The following JAM3 variants were observed in gnomAD, a reference collection of about 807,000 sequenced individuals.
JAM3 encodes junctional adhesion molecule C.
In JAM3, 31 loss-of-function variants were observed where a neutral mutation model predicts 39.4. The observed-to-expected ratio is 0.79, with a 90% CI of 0.59 to 1.06. JAM3 has a LOEUF of 1.06. Among genes scored for constraint, JAM3 ranks in the 50% least tolerant of loss-of-function variants. The pLI is 0.00. For synonymous variants in JAM3, 182 were observed against 148.7 expected (o/e 1.22, Z -1.63); for missense variants, 455 against 391.4 (o/e 1.16, Z -1.37).
chr11:134,105,649 C>G (rs886462759), intron 1 of JAM3, among the ~76,000 whole-genome samples: 17 of 152,224 alleles, frequency 1.1e-4, no homozygotes, highest in Non-Finnish European at 1.9e-4. Flanking sequence ...GCAACTTCAG[C>G]AAAATCTCAG....
At chr11:134,145,362 G>T (rs923822270) in intron 5 of JAM3, 7 of 378,052 alleles carry the variant, frequency 1.9e-5, no homozygotes, top group South Asian at 4.6e-5. Context: ...GCATGATGAA[G>T]GTATTGTGGT....
Position 134,069,126 on chromosome 11 carries a change from C to G in JAM3, c.43C>G (p.Leu15Val), listed in dbSNP as rs140175256. 2.7e-4 allele frequency: 428 copies of G among 1,612,838 alleles called. 1 individual carries two copies. The African/African-American group carries it at 4.9e-3, about 18-fold the overall frequency. Residue 15 changes from leucine to valine, a missense_variant, in exon 1 of 9, where the codon CTG becomes GTG. Leu to Val is a conservative substitution (Grantham distance 32). Transcript: ENST00000299106. ...RPPRLRLCAR[L>V]PDFFLLLLFR... Reference sequence around the variant, plus strand: ...ACCGCGACTCCGGCTCTGCGCTCGGCTGCCTGACTTCTTCCTGCTGCTGCT... The same window carrying G: ...ACCGCGACTCCGGCTCTGCGCTCGGGTGCCTGACTTCTTCCTGCTGCTGCT...
At chr11:134,070,055 G>A (rs1053172995) in intron 1 of JAM3, 10 of 415,044 alleles carry the variant, frequency 2.4e-5, no homozygotes, top group Non-Finnish European at 4.8e-5. Context: ...GTTGTACAGA[G>A]GACTAAAATA....
At chr11:134,143,374 G>A (rs1943009723) in intron 3 of JAM3, among the ~76,000 whole-genome samples, 1 of 152,152 alleles carries the variant, frequency 6.6e-6, no homozygotes, top group African/African-American at 2.4e-5. Context: ...TTGGAGAAAT[G>A]TCTGTTCAAA....
chr11:134,077,886 A>AGGT (rs1423163726), intron 1 of JAM3, among the ~76,000 whole-genome samples: 1 of 151,822 alleles, frequency 6.6e-6, no homozygotes, highest in African/African-American at 2.4e-5. Context: ...TCCTGACCAC[A>AGGT]GGTGATCCGC....
In JAM3 at chr11:134,077,650, C is replaced by CTT. The variant is rs71038558; in HGVS notation, c.76+8513_76+8514dup. 3.5e-3 allele frequency among the ~76,000 whole-genome samples: 352 copies of CTT among 102,004 alleles called. 3 individuals carry two copies. Among genetic ancestry groups the CTT allele is most frequent in the African/African-American group, 8.1e-3 (191 of 23,446 alleles). The allele number at this position is 102,004 out of a possible 152,430, so 66.9% of individuals were successfully genotyped here. The stretch of plus-strand genomic sequence containing the variant: ...AAGTGCAAGCCACCGTGGCTGGCGC[C>CTT]TTTTTTTTTTTTTTTTTTTTTTTGA... On this transcript the variant is annotated intron_variant, in intron 1 of 8. Coordinates refer to ENST00000299106, the MANE Select transcript of JAM3 (RefSeq NM_032801.5).
intron 1 of JAM3, among the ~76,000 whole-genome samples, chr11:134,107,570 G>A (rs557031142): frequency 3.9e-5 from 6 of 152,156 alleles, no homozygotes; most frequent in Non-Finnish European, 8.8e-5. Context: ...CACTAAAGCA[G>A]TAACTAGGGT....
At chr11:134,095,174 A>G (rs1043950835) in intron 1 of JAM3, among the ~76,000 whole-genome samples, 3 of 152,222 alleles carry the variant, frequency 2.0e-5, no homozygotes, top group South Asian at 2.1e-4. Context: ...GTAAACCAGC[A>G]TTGTTTCCCC....
chr11:134,127,102 CATA>C (rs1229988800), intron 1 of JAM3, among the ~76,000 whole-genome samples: 1 of 152,162 alleles, frequency 6.6e-6, no homozygotes, highest in Non-Finnish European at 1.5e-5. Flanking sequence ...TGCATGAAGT[CATA>C]GGAAGAAGAA....
At chr11:134,138,114 A>G (rs7130211) in intron 1 of JAM3, among the ~76,000 whole-genome samples, 3,519 of 63,276 alleles carry the variant, frequency 0.056, 49 homozygotes, top group African/African-American at 0.12. Context: ...CGTCTAAGTC[A>G]TGGTGCTCCT....
intron 1 of JAM3, among the ~76,000 whole-genome samples, chr11:134,085,183 G>A (rs1163034184): frequency 3.9e-5 from 6 of 152,242 alleles, no homozygotes; most frequent in Non-Finnish European, 7.4e-5. Flanking sequence ...ATGTCAAAGG[G>A]TATTTAGGAT....
intron 1 of JAM3, among the ~76,000 whole-genome samples, chr11:134,115,511 C>T (rs1458789398): frequency 6.6e-6 from 1 of 151,926 alleles, no homozygotes; most frequent in African/African-American, 2.4e-5. Flanking sequence ...AACTTATGAC[C>T]TTGATATATT....
chr11:134,115,903 A>T (rs1053838868), intron 1 of JAM3, among the ~76,000 whole-genome samples: 9 of 152,128 alleles, frequency 5.9e-5, no homozygotes, highest in African/African-American at 2.2e-4. Context: ...TCTCAAAATA[A>T]ATAAATAAAA....
chr11:134,094,477 T>C (rs1459847624), intron 1 of JAM3, among the ~76,000 whole-genome samples: 1 of 142,676 alleles, frequency 7.0e-6, no homozygotes, highest in Non-Finnish European at 1.5e-5. Flanking sequence ...ACCTTACATG[T>C]GACTTCCTGA....
chr11:134,095,425 A>C (rs1188861662), intron 1 of JAM3, among the ~76,000 whole-genome samples: 1 of 152,066 alleles, frequency 6.6e-6, no homozygotes, highest in Non-Finnish European at 1.5e-5. Context: ...AGGTCAGGAG[A>C]TCGAGACCAT....
intron 1 of JAM3, among the ~76,000 whole-genome samples, chr11:134,073,151 T>C (rs1481559609): frequency 6.6e-6 from 1 of 152,210 alleles, no homozygotes; most frequent in Non-Finnish European, 1.5e-5. Flanking sequence ...TAATTGACTG[T>C]CTCTCTGCTT....
chr11:134,149,288 C>A lies in JAM3; in HGVS notation c.*107C>A. 1.5e-6 allele frequency: 2 copies of A among 1,353,408 alleles called. No individual in the cohort carries two copies. Among genetic ancestry groups the A allele is most frequent in the Non-Finnish European group, 2.1e-6 (2 of 958,526 alleles). 83.8% of individuals were successfully genotyped at this position (1,353,408 alleles called of 1,614,324 possible). On this transcript the variant is annotated 3_prime_UTR_variant, in exon 9 of 9. Transcript: ENST00000299106. ...ATGCACTCGGACAGAGCTAGACACT[C>A]ATTCAGAAGCTTTTCGTTTTGGCCA...
At chr11:134,116,952 GTATTTA>G (rs1942445983) in intron 1 of JAM3, among the ~76,000 whole-genome samples, 1 of 151,700 alleles carries the variant, frequency 6.6e-6, no homozygotes. Context: ...TACCTACAAC[GTATTTA>G]TAGTTATTTG....
Position 134,101,188 on chromosome 11 carries a change from T to A in JAM3, c.76+32029T>A, listed in dbSNP as rs375207982. On this transcript the variant is annotated intron_variant, in intron 1 of 8. Transcript: ENST00000299106. Reference sequence around the variant, plus strand: ...CAGTTTAACAGTGATACTTGAGTTATGAACTTCATACATATTGCTTAATTG... The same window carrying A: ...CAGTTTAACAGTGATACTTGAGTTAAGAACTTCATACATATTGCTTAATTG... Among the ~76,000 whole-genome samples, 8 of 152,372 alleles carry A rather than the reference T, an allele frequency of 5.3e-5. No homozygotes were observed. In the East Asian group the frequency reaches 1.3e-3, roughly 26 times the overall value.
Sources: allele counts gnomAD v4.1 joint callset (sites outside exome capture counted in the v4.1 genomes callset), GRCh38; gene constraint gnomAD v4.1.1; transcripts MANE v1.5; gene names NCBI Gene and HGNC (gene_info 2026-07-23, HGNC 2026-07-21).